HEMK2: variants seen among roughly 807,000 people sequenced by gnomAD.
HEMK2 encodes the protein HemK methyltransferase 2, ETF1 glutamine and histone H4 lysine, also known as methyltransferase HEMK2.
chr21:28,842,570 C>T, the HEMK2 span, among the ~76,000 whole-genome samples: 1 of 152,120 alleles, frequency 6.6e-6, no homozygotes, highest in Non-Finnish European at 1.5e-5. Flanking sequence ...AAATTATTTG[C>T]TCATGTGGCA....
chr21:28,855,838 G>A, the HEMK2 span, among the ~76,000 whole-genome samples: 1 of 152,116 alleles, frequency 6.6e-6, no homozygotes, highest in Non-Finnish European at 1.5e-5. Flanking sequence ...ATACAATATA[G>A]CAGAATCTCT....
At chr21:28,621,581 G>C in the HEMK2 span, among the ~76,000 whole-genome samples, 1 of 152,164 alleles carries the variant, frequency 6.6e-6, no homozygotes, top group South Asian at 2.1e-4. Flanking sequence ...TCAGCAAAGG[G>C]TGGTGGGATT....
the HEMK2 span, among the ~76,000 whole-genome samples, chr21:28,685,503 A>C: frequency 6.6e-6 from 1 of 152,198 alleles, no homozygotes; most frequent in African/African-American, 2.4e-5. Flanking sequence ...TTAAGAAAGC[A>C]GAAGATTTAA....
chr21:28,873,754 T>TA, the HEMK2 span: 2 of 152,218 alleles, frequency 1.3e-5, no homozygotes, highest in East Asian at 1.9e-4. Context: ...TCTATTGAGT[T>TA]AGAGGCATAA....
At chr21:28,725,760 T>C in the HEMK2 span, among the ~76,000 whole-genome samples, 1 of 152,216 alleles carries the variant, frequency 6.6e-6, no homozygotes, top group Non-Finnish European at 1.5e-5. Context: ...GGTCTTCAAT[T>C]TGTCTATTTT....
chr21:28,878,421 A>G, the HEMK2 span: 2 of 1,497,808 alleles, frequency 1.3e-6, no homozygotes, highest in Non-Finnish European at 1.8e-6. Flanking sequence ...ATATCACCAA[A>G]AAAGTATATA....
the HEMK2 span, among the ~76,000 whole-genome samples, chr21:28,636,772 T>C: frequency 2.0e-5 from 3 of 152,196 alleles, no homozygotes; most frequent in East Asian, 1.9e-4. Context: ...ATCTGTGCTG[T>C]GATGCTCGAT....
At chr21:28,790,362 T>C in the HEMK2 span, among the ~76,000 whole-genome samples, 1 of 152,222 alleles carries the variant, frequency 6.6e-6, no homozygotes, top group African/African-American at 2.4e-5. Flanking sequence ...ATGGTTTTTA[T>C]TATTCAGAAA....
chr21:28,623,183 C>T, the HEMK2 span, among the ~76,000 whole-genome samples: 1 of 152,136 alleles, frequency 6.6e-6, no homozygotes. Context: ...AGGACATGAA[C>T]AGACACTTCT....
At chr21:28,826,127 G>T in the HEMK2 span, among the ~76,000 whole-genome samples, 1 of 152,206 alleles carries the variant, frequency 6.6e-6, no homozygotes, top group African/African-American at 2.4e-5. Flanking sequence ...CTAAACTCAT[G>T]AAAGTGGAAA....
At chr21:28,858,620 AAAGGAGGGAAGG>A in the HEMK2 span, among the ~76,000 whole-genome samples, 49 of 151,946 alleles carry the variant, frequency 3.2e-4, no homozygotes, top group Non-Finnish European at 5.7e-4. Flanking sequence ...GGAAGTGGGG[AAAGGAGGGAAGG>A]AAGGAGGGAA....
At chr21:28,649,474 T>C in the HEMK2 span, among the ~76,000 whole-genome samples, 1 of 152,190 alleles carries the variant, frequency 6.6e-6, no homozygotes, top group Non-Finnish European at 1.5e-5. Context: ...TTTTAGGAAC[T>C]GGAAAGAGGT....
chr21:28,885,316 G>A, the HEMK2 span: 1 of 1,588,112 alleles, frequency 6.3e-7, no homozygotes, highest in Non-Finnish European at 8.6e-7. Context: ...CGTGCCCGTG[G>A]AACGGCGTAG....
the HEMK2 span, among the ~76,000 whole-genome samples, chr21:28,831,463 G>GAAAAA: frequency 9.2e-5 from 1 of 10,856 alleles, no homozygotes. Flanking sequence ...AGAAAAGAAC[G>GAAAAA]AAAGAAAGAA....
chr21:28,711,339 T>C, the HEMK2 span, among the ~76,000 whole-genome samples: 1 of 152,136 alleles, frequency 6.6e-6, no homozygotes, highest in East Asian at 1.9e-4. Context: ...CAACATCAAA[T>C]ATCTGTGTAT....
At chr21:28,774,319 G>A in the HEMK2 span, among the ~76,000 whole-genome samples, 1 of 152,198 alleles carries the variant, frequency 6.6e-6, no homozygotes, top group South Asian at 2.1e-4. Flanking sequence ...GCCCGGTGTG[G>A]TGGCTTCCAC....
the HEMK2 span, among the ~76,000 whole-genome samples, chr21:28,626,225 T>C: frequency 1.3e-5 from 2 of 152,140 alleles, no homozygotes; most frequent in Non-Finnish European, 2.9e-5. Flanking sequence ...TAAACTATTA[T>C]GCGGTTATTG....
At chr21:28,669,092 G>A in the HEMK2 span, among the ~76,000 whole-genome samples, 1 of 152,170 alleles carries the variant, frequency 6.6e-6, no homozygotes, top group African/African-American at 2.4e-5. Flanking sequence ...GGGTGCAGTG[G>A]TTCATGCCTG....
chr21:28,725,100 C>T, the HEMK2 span, among the ~76,000 whole-genome samples: 1 of 152,254 alleles, frequency 6.6e-6, no homozygotes, highest in South Asian at 2.1e-4. Context: ...TTCCCTAAAT[C>T]TCTCTATGTA....
Sources: allele counts gnomAD v4.1 joint callset (sites outside exome capture counted in the v4.1 genomes callset), GRCh38; gene constraint gnomAD v4.1.1; transcripts MANE v1.5; gene names NCBI Gene and HGNC (gene_info 2026-07-23, HGNC 2026-07-21).